Variants in EPS15 observed in about 807,000 individuals in gnomAD.
The protein encoded by EPS15 is epidermal growth factor receptor substrate 15.
EPS15 carries 72 observed loss-of-function variants against 113.8 expected under a neutral mutation model. The observed-to-expected ratio is 0.63, with a 90% confidence interval of 0.52 to 0.77. The LOEUF (loss-of-function observed/expected upper bound fraction) is 0.77. Among genes scored for constraint, EPS15 ranks in the 30% least tolerant of loss-of-function variants. EPS15 has a pLI of 0.00. For synonymous variants in EPS15, 344 were observed against 363.4 expected (o/e 0.95, Z 0.61); for missense variants, 1,048 against 1,045.8 (o/e 1.00, Z -0.03).
At chr1:51,371,265 G>T (rs1646643167) in intron 21 of EPS15, among the ~76,000 whole-genome samples, 1 of 152,010 alleles carries the variant, frequency 6.6e-6, no homozygotes, top group Non-Finnish European at 1.5e-5. Context: ...TAAGTTAATT[G>T]AAAAAGAGCC....
chr1:51,429,070 G>A (rs1382451608), intron 12 of EPS15, among the ~76,000 whole-genome samples: 1 of 152,008 alleles, frequency 6.6e-6, no homozygotes, highest in Non-Finnish European at 1.5e-5. Flanking sequence ...TTTATTTTCT[G>A]TAGAGACAAG....
chr1:51,399,013 T>C lies in EPS15; in HGVS notation c.2052+19A>G, dbSNP rs1282414440. On this transcript the variant is annotated intron_variant, in intron 20 of 24. Transcript: ENST00000371733. ...CTTATTATCCATTTAACTTAACAGTTTTTAATTCTCCCACTTACCGATGTA... is the reference window on the plus strand; with the variant it reads ...CTTATTATCCATTTAACTTAACAGTCTTTAATTCTCCCACTTACCGATGTA... The C allele has an allele frequency of 4.4e-6, 7 of 1,605,084 alleles. No homozygotes were observed. In the South Asian group the frequency reaches 7.8e-5, roughly 18 times the overall value.
intron 24 of EPS15, among the ~76,000 whole-genome samples, chr1:51,359,503 T>C (rs1009019462): frequency 2.9e-4 from 43 of 150,240 alleles, no homozygotes; most frequent in Admixed American, 5.3e-4. Flanking sequence ...CTCACACCTG[T>C]AATCCCAACA....
At chr1:51,462,978 G>A (rs1260836812) in intron 7 of EPS15, among the ~76,000 whole-genome samples, 3 of 145,122 alleles carry the variant, frequency 2.1e-5, no homozygotes, top group African/African-American at 5.1e-5. Flanking sequence ...CTGGGTTCAC[G>A]CGATTCTTCT....
Position 51,409,551 on chromosome 1 carries a change from G to A in EPS15, c.1259C>T (p.Ala420Val), listed in dbSNP as rs762173438. The A allele has an allele frequency of 3.1e-6, 5 of 1,612,714 alleles. No homozygotes were observed. The African/African-American group carries it at 6.7e-5, about 22-fold the overall frequency. ...AGACATTACCAGTTGGGCCTCCTCA[G>A]CACATTTCTTTCTGACTTCCTTGAG... is the stretch of plus-strand genomic sequence containing the variant. ...EQLKEVRKKC[A>V]EEAQLISSLK... is the part of the protein sequence containing the mutation. Residue 420 changes from alanine (A) to valine (V), a missense_variant, in exon 14 of 25, where the codon GCT becomes GTT. By Grantham distance (64) the Ala-to-Val change is moderately conservative. Coordinates refer to ENST00000371733, the MANE Select transcript of EPS15 (RefSeq NM_001981.3).
intron 15 of EPS15, among the ~76,000 whole-genome samples, chr1:51,407,841 T>C (rs1308442917): frequency 6.6e-6 from 1 of 152,182 alleles, no homozygotes. Context: ...AGATGAAGAA[T>C]CTGATACTAA....
intron 24 of EPS15, among the ~76,000 whole-genome samples, chr1:51,357,415 T>A (rs1646255214): frequency 1.6e-5 from 1 of 61,896 alleles, no homozygotes; most frequent in African/African-American, 8.9e-5. Flanking sequence ...TATATATATA[T>A]ATATATATAT....
At chr1:51,395,556 C>G (rs1433427496) in intron 20 of EPS15, among the ~76,000 whole-genome samples, 1 of 151,966 alleles carries the variant, frequency 6.6e-6, no homozygotes, top group African/African-American at 2.4e-5. Flanking sequence ...ACAAAGATAG[C>G]TTTTTGCTAA....
At chr1:51,444,122 C>T (rs1216146961) in intron 11 of EPS15, among the ~76,000 whole-genome samples, 1 of 152,094 alleles carries the variant, frequency 6.6e-6, no homozygotes, top group African/African-American at 2.4e-5. Context: ...CATGGTTATA[C>T]TTTATAGGCC....
At position 51,462,870 on chromosome 1, in the gene EPS15, ATTTTTTTT is replaced by A. The variant is rs34320767; in HGVS notation, c.501+795_501+802del. On this transcript the variant is annotated intron_variant, in intron 7 of 24. Coordinates refer to ENST00000371733, the MANE Select transcript of EPS15 (RefSeq NM_001981.3). ...AAAAGAGGAAAAGTAAAAAAGTCAGATTTTTTTTTTTTTTTTTTTTTTTTTCTAAGACA... is the reference window on the plus strand; with the variant it reads ...AAAAGAGGAAAAGTAAAAAAGTCAGATTTTTTTTTTTTTTTTTCTAAGACA... Among the ~76,000 whole-genome samples, 436 of 111,058 alleles carry A rather than the reference ATTTTTTTT, an allele frequency of 3.9e-3. 1 individual carries two copies. Among genetic ancestry groups the A allele is most frequent in the African/African-American group, 9.2e-3 (258 of 27,938 alleles). 72.9% of individuals were successfully genotyped at this position (111,058 alleles called of 152,430 possible). A position where few individuals can be genotyped will look rare whatever the true frequency, so the allele number is the denominator to read the frequency against.
At chr1:51,381,771 T>C (rs1234683410) in intron 21 of EPS15, among the ~76,000 whole-genome samples, 1 of 150,730 alleles carries the variant, frequency 6.6e-6, no homozygotes, top group East Asian at 2.0e-4. Flanking sequence ...CAAATGAAAA[T>C]GGAAACACAG....
chr1:51,458,580 T>C (rs1314825329), intron 8 of EPS15: 2 of 440,784 alleles, frequency 4.5e-6, no homozygotes, highest in Non-Finnish European at 9.1e-6. Flanking sequence ...CTACTAAAAA[T>C]ATAAAAATTA....
At chr1:51,515,767 A>C (rs1371975486) in intron 1 of EPS15, among the ~76,000 whole-genome samples, 1 of 152,252 alleles carries the variant, frequency 6.6e-6, no homozygotes, top group Non-Finnish European at 1.5e-5. Flanking sequence ...TGGATAGGCC[A>C]AGCATCTAGT....
chr1:51,358,715 T>G lies in EPS15; in HGVS notation c.2545-1869A>C, dbSNP rs547975697. Among the ~76,000 whole-genome samples the G allele has an allele frequency of 2.5e-3, 374 of 149,718 alleles. 3 individuals carry two copies. The highest frequency in any genetic ancestry group is 6.8e-3 in the Middle Eastern group (2 of 292). Reference sequence around the variant, plus strand: ...ACCAGATTTGTTTTTTTTTGTTTTTTTTTTTTTTTTTGAGGCGGAGTCTCG... The same window carrying G: ...ACCAGATTTGTTTTTTTTTGTTTTTGTTTTTTTTTTTGAGGCGGAGTCTCG... On this transcript the variant is annotated intron_variant, in intron 24 of 24. Transcript: ENST00000371733.
At chr1:51,409,773 T>C in intron 13 of EPS15, 77 bp from the exon 14 acceptor site, 1 of 982,500 alleles carries the variant, frequency 1.0e-6, no homozygotes, top group South Asian at 1.4e-5. Context: ...TAAATCTACC[T>C]TAAGAAAGAA....
chr1:51,454,472 A>G (rs1378194293), intron 8 of EPS15, among the ~76,000 whole-genome samples: 1 of 152,248 alleles, frequency 6.6e-6, no homozygotes, highest in Non-Finnish European at 1.5e-5. Flanking sequence ...GTGATGTCAC[A>G]TGGATATCAT....
At chr1:51,508,236 A>AG (rs781436438) in intron 1 of EPS15, among the ~76,000 whole-genome samples, 1 of 92,646 alleles carries the variant, frequency 1.1e-5, no homozygotes, top group Non-Finnish European at 2.3e-5. Flanking sequence ...AAGAAAAGAA[A>AG]AGAAAGAGAG....
At chr1:51,507,973 C>G (rs1045196875) in intron 1 of EPS15, among the ~76,000 whole-genome samples, 1 of 151,734 alleles carries the variant, frequency 6.6e-6, no homozygotes, top group Admixed American at 6.6e-5. Flanking sequence ...GTCAGAAGAT[C>G]GAGACCATCC....
At chr1:51,437,051 C>A (rs1459578836) in intron 12 of EPS15, among the ~76,000 whole-genome samples, 1 of 152,082 alleles carries the variant, frequency 6.6e-6, no homozygotes, top group Non-Finnish European at 1.5e-5. Flanking sequence ...ATAATTAAAT[C>A]ATTTAATTAA....
Sources: allele counts gnomAD v4.1 joint callset (sites outside exome capture counted in the v4.1 genomes callset), GRCh38; gene constraint gnomAD v4.1.1; transcripts MANE v1.5; gene names NCBI Gene and HGNC (gene_info 2026-07-23, HGNC 2026-07-21).